Variants in METTL21A observed in about 807,000 individuals in gnomAD.
METTL21A encodes protein N-lysine methyltransferase METTL21A.
A neutral mutation model predicts 20.9 loss-of-function variants in METTL21A; 22 were observed. That is an observed-to-expected ratio of 1.05 (90% CI 0.75 to 1.50). The LOEUF is 1.50. Among genes scored for constraint, METTL21A ranks in the 40% most tolerant of loss-of-function variants. The pLI is 0.00. For missense variants in METTL21A, 271 were observed against 266.8 expected (o/e 1.02, Z -0.11); for synonymous variants, 93 against 102.0 (o/e 0.91, Z 0.53).
chr2:207,581,817 C>T (rs569048636), exon 4 of METTL21A: 6 of 700,388 alleles, frequency 8.6e-6, no homozygotes, highest in Non-Finnish European at 1.0e-5. Flanking sequence ...GGTACCATAT[C>T]GCATTTAATT....
chr2:207,621,399 C>T (rs1204283516), intron 3 of METTL21A, among the ~76,000 whole-genome samples: 1 of 152,214 alleles, frequency 6.6e-6, no homozygotes, highest in Admixed American at 6.5e-5. Flanking sequence ...AGACTATCTG[C>T]TCTATCTCCC....
At chr2:207,595,891 C>G (rs763519019) in intron 3 of METTL21A, among the ~76,000 whole-genome samples, 2 of 152,174 alleles carry the variant, frequency 1.3e-5, no homozygotes, top group Non-Finnish European at 2.9e-5. Context: ...AACCCCTTAG[C>G]AGATATATGA....
chr2:207,584,913 C>T (rs753726824), intron 3 of METTL21A, among the ~76,000 whole-genome samples: 3 of 152,082 alleles, frequency 2.0e-5, no homozygotes, highest in Admixed American at 1.3e-4. Context: ...AAAAGGTTGC[C>T]ATTTTGATGA....
intron 3 of METTL21A, chr2:207,602,682 T>C (rs1291311289): frequency 4.8e-6 from 1 of 210,190 alleles, no homozygotes; most frequent in East Asian, 7.2e-5. Context: ...GTTTTTAAAA[T>C]TGGTAAATGC....
chr2:207,594,321 C>T (rs1039186826), intron 3 of METTL21A, among the ~76,000 whole-genome samples: 1 of 152,032 alleles, frequency 6.6e-6, no homozygotes, highest in Non-Finnish European at 1.5e-5. Flanking sequence ...CAGTAGATTT[C>T]CAGAACTTGT....
intron 3 of METTL21A, chr2:207,599,534 C>A (rs1559089837): frequency 5.1e-6 from 1 of 196,568 alleles, no homozygotes. Context: ...TTATAAAGAC[C>A]TTATCCTTCA....
chr2:207,624,194 T>C, intron 2 of METTL21A, 35 bp downstream of exon 2: 2 of 1,549,630 alleles, frequency 1.3e-6, no homozygotes, highest in Non-Finnish European at 1.7e-6. Context: ...CTTGCAAGTG[T>C]GAACGTTTTC....
exon 4 of METTL21A, chr2:207,613,230 G>A (rs776180020): frequency 1.9e-5 from 30 of 1,613,738 alleles, no homozygotes; most frequent in South Asian, 1.2e-4. Context: ...ATGTTCCAGT[G>A]TCTGAAGAAG....
downstream of METTL21A, among the ~76,000 whole-genome samples, chr2:207,605,091 G>A (rs1355420433): frequency 6.6e-6 from 1 of 152,202 alleles, no homozygotes; most frequent in Non-Finnish European, 1.5e-5. Flanking sequence ...ATGCCTGGGA[G>A]TGGAGTTGCT....
chr2:207,613,544 T>C (rs2089275238), intron 3 of METTL21A, 101 bp from the exon 4 acceptor site: 1 of 1,089,208 alleles, frequency 9.2e-7, no homozygotes, highest in Non-Finnish European at 1.3e-6. Context: ...AAATATTGCA[T>C]CTGATATGCA....
intron 3 of METTL21A, among the ~76,000 whole-genome samples, chr2:207,620,453 TAAATAAAATA>T (rs58925319): frequency 2.9e-4 from 43 of 146,754 alleles, no homozygotes; most frequent in African/African-American, 5.8e-4. Context: ...AAAAAATAAA[TAAATAAAATA>T]AAATAAAATA....
exon 4 of METTL21A, chr2:207,613,110 T>C: frequency 6.2e-7 from 1 of 1,610,216 alleles, no homozygotes; most frequent in Non-Finnish European, 8.5e-7. Context: ...TTCAGGATCG[T>C]AGTGAACCTT....
At chr2:207,595,843 A>G (rs1385351632) in intron 3 of METTL21A, among the ~76,000 whole-genome samples, 1 of 152,216 alleles carries the variant, frequency 6.6e-6, no homozygotes, top group East Asian at 1.9e-4. Flanking sequence ...TGCTGGGATT[A>G]TAGGCGTGAG....
chr2:207,624,523 G>A (rs1009098279), intron 1 of METTL21A, 119 bp from the exon 2 acceptor site: 38 of 908,798 alleles, frequency 4.2e-5, no homozygotes, highest in Non-Finnish European at 5.9e-5. Flanking sequence ...GAAACAGGTG[G>A]AGGAAGCCTT....
chr2:207,617,785 A>T (rs1312363792), intron 3 of METTL21A, among the ~76,000 whole-genome samples: 1 of 152,190 alleles, frequency 6.6e-6, no homozygotes, highest in African/African-American at 2.4e-5. Context: ...ACAGATGATG[A>T]GAGCTCAAGC....
downstream of METTL21A, among the ~76,000 whole-genome samples, chr2:207,605,122 A>G (rs2087873345): frequency 6.6e-6 from 1 of 152,144 alleles, no homozygotes; most frequent in African/African-American, 2.4e-5. Context: ...GAAATCGCAC[A>G]TTTAACTTTT....
intron 3 of METTL21A, among the ~76,000 whole-genome samples, chr2:207,588,245 A>AT (rs1357240232): frequency 1.3e-5 from 2 of 152,088 alleles, no homozygotes; most frequent in African/African-American, 4.8e-5. Context: ...GTCGAGATCC[A>AT]TTTTTTTATA....
At chr2:207,616,573 G>A (rs947297467) in intron 3 of METTL21A, among the ~76,000 whole-genome samples, 9 of 152,176 alleles carry the variant, frequency 5.9e-5, no homozygotes, top group East Asian at 1.9e-4. Flanking sequence ...GGCTGGGTGC[G>A]GTGACTCACG....
chr2:207,621,888 C>T (rs2090522014), exon 3 of METTL21A: 1 of 1,614,190 alleles, frequency 6.2e-7, no homozygotes, highest in Non-Finnish European at 8.5e-7. Flanking sequence ...CCACAGCTCC[C>T]ATCTCCAGGT....
Sources: allele counts gnomAD v4.1 joint callset (sites outside exome capture counted in the v4.1 genomes callset), GRCh38; gene constraint gnomAD v4.1.1; transcripts MANE v1.5; gene names NCBI Gene and HGNC (gene_info 2026-07-23, HGNC 2026-07-21).